WIPF2: variants seen among roughly 807,000 people sequenced by gnomAD.
WIPF2 encodes the protein WAS/WASL interacting protein family member 2.
Under a neutral mutation model 38.8 loss-of-function variants are expected in WIPF2, and 23 were observed. The ratio of observed to expected loss-of-function variants is 0.59; its 90% CI spans 0.43 to 0.84. The LOEUF is 0.84. WIPF2 is among the 40% of genes least tolerant of loss of function. The pLI, the probability that WIPF2 is intolerant of heterozygous loss-of-function variation, is 0.00. For missense variants in WIPF2, 574 were observed against 580.5 expected (o/e 0.99, Z 0.11); for synonymous variants, 210 against 223.2 (o/e 0.94, Z 0.53).
intron 6 of WIPF2, among the ~76,000 whole-genome samples, chr17:40,275,590 G>A (rs1325037951): frequency 2.0e-5 from 3 of 151,620 alleles, no homozygotes; most frequent in Non-Finnish European, 2.9e-5. Flanking sequence ...TTGAGATAGC[G>A]TCTTGCTTTG....
Position 40,260,526 on chromosome 17 carries a change from A to T in WIPF2, c.64-9A>T. On this transcript the variant is annotated splice_polypyrimidine_tract_variant and intron_variant, in intron 2 of 7. Transcript: ENST00000323571. The stretch of plus-strand genomic sequence containing the variant: ...TTTAGGGTGAACTTATATTTCTCTT[A>T]TCCTCCAGGCAAACACAGAGCAGCC... 1 of 1,613,516 alleles carries T rather than the reference A, an allele frequency of 6.2e-7. No homozygotes were observed. The highest frequency in any genetic ancestry group is 1.3e-5 in the African/African-American group (1 of 74,932).
chr17:40,224,542 G>A (rs927234754), intron 1 of WIPF2, among the ~76,000 whole-genome samples: 60 of 151,082 alleles, frequency 4.0e-4, no homozygotes, highest in African/African-American at 1.4e-3. Flanking sequence ...CACCGCGCCC[G>A]GCCCAGCCTG....
chr17:40,249,600 T>C (rs1188154426), intron 1 of WIPF2, among the ~76,000 whole-genome samples: 1 of 149,668 alleles, frequency 6.7e-6, no homozygotes, highest in Admixed American at 6.7e-5. Flanking sequence ...ATTACAGGCA[T>C]GCACCACCAT....
chr17:40,266,961 A>G (rs1441667249), intron 5 of WIPF2, among the ~76,000 whole-genome samples: 1 of 152,130 alleles, frequency 6.6e-6, no homozygotes, highest in Non-Finnish European at 1.5e-5. Flanking sequence ...AGTTTATTCT[A>G]ATTTGCTTCT....
rs1386717596 is a variant in WIPF2, at chr17:40,273,855, T to G, written c.1036T>G (p.Tyr346Asp). Residue 346 changes from tyrosine (Y) to aspartate (D), a missense_variant, in exon 6 of 8, where the codon TAC becomes GAC. Coordinates refer to ENST00000323571, the MANE Select transcript of WIPF2 (RefSeq NM_133264.5). ...GGATGCTCCCCCTCCCCCACCACCA[T>G]ACCGAATGCATGGGTCAGAACCCCC... Reference protein sequence around the residue: ...ARDAPPPPPPYRMHGSEPPSR... With the variant: ...ARDAPPPPPPDRMHGSEPPSR... The G allele has an allele frequency of 8.1e-6, 8 of 986,548 alleles. No homozygotes were observed. Among genetic ancestry groups the G allele is most frequent in the African/African-American group, 2.3e-5 (1 of 43,798 alleles). The allele number at this position is 986,548 out of a possible 1,614,324, so 61.1% of individuals were successfully genotyped here.
chr17:40,243,903 A>C (rs1160149102), intron 1 of WIPF2, among the ~76,000 whole-genome samples: 1 of 152,052 alleles, frequency 6.6e-6, no homozygotes, highest in African/African-American at 2.4e-5. Flanking sequence ...TGCATAGTTG[A>C]ATTTCTGTGA....
intron 5 of WIPF2, among the ~76,000 whole-genome samples, chr17:40,269,391 G>T (rs1239290882): frequency 1.3e-5 from 2 of 150,838 alleles, no homozygotes; most frequent in Non-Finnish European, 3.0e-5. Flanking sequence ...TGTGCCTGTG[G>T]TCCCAGCTAC....
At chr17:40,237,091 C>T (rs1380570382) in intron 1 of WIPF2, among the ~76,000 whole-genome samples, 2 of 151,984 alleles carry the variant, frequency 1.3e-5, no homozygotes, top group Admixed American at 1.3e-4. Context: ...TCAATCTATC[C>T]TGGGAAATTT....
At position 40,219,397 on chromosome 17, in the gene WIPF2, GCGA is replaced by G. The variant is rs760099763; in HGVS notation, c.-162_-160del. ...GGCGGCGGCGGCGGCGGCGGCGGCG[GCGA>G]CGGCGAGAAAGAGCTTGCCGGGGGG... On this transcript the variant is annotated 5_prime_UTR_variant, in exon 1 of 8. Coordinates refer to ENST00000323571, the MANE Select transcript of WIPF2 (RefSeq NM_133264.5). The G allele has an allele frequency of 2.4e-5, 10 of 415,366 alleles. No homozygotes were observed. Among genetic ancestry groups the G allele is most frequent in the African/African-American group, 1.6e-4 (7 of 44,542 alleles). The allele number at this position is 415,366 out of a possible 1,614,324, so 25.7% of individuals were successfully genotyped here.
At chr17:40,267,689 G>A (rs2032133073) in intron 5 of WIPF2, among the ~76,000 whole-genome samples, 1 of 152,164 alleles carries the variant, frequency 6.6e-6, no homozygotes, top group Non-Finnish European at 1.5e-5. Flanking sequence ...ACAGGCATGT[G>A]CCACCATATC....
At chr17:40,273,603 C>T (rs775958734) in intron 5 of WIPF2, 187 bp from the exon 6 acceptor site, 3 of 561,538 alleles carry the variant, frequency 5.3e-6, no homozygotes, top group Non-Finnish European at 9.6e-6. Flanking sequence ...TGTAAAAAGG[C>T]CATACATTTA....
chr17:40,260,804 A>T (rs1158463741), intron 3 of WIPF2, 137 bp downstream of exon 3: 4 of 1,171,554 alleles, frequency 3.4e-6, no homozygotes, highest in Non-Finnish European at 5.0e-6. Flanking sequence ...CTTCTTATTC[A>T]TTCTTCTGAA....
intron 4 of WIPF2, 65 bp downstream of exon 4, chr17:40,262,706 C>A: frequency 3.0e-6 from 4 of 1,353,004 alleles, no homozygotes; most frequent in South Asian, 1.2e-5. Context: ...CCCAAGTGGG[C>A]CATCTCAGGT....
intron 1 of WIPF2, among the ~76,000 whole-genome samples, chr17:40,220,216 A>G (rs189784411): frequency 0.015 from 2,293 of 151,626 alleles, 30 homozygotes; most frequent in Non-Finnish European, 0.023. Context: ...GGCTCAAGCG[A>G]TCTTCCCACC....
intron 1 of WIPF2, 56 bp from the exon 2 acceptor site, chr17:40,256,335 G>A: frequency 7.0e-7 from 1 of 1,428,792 alleles, no homozygotes; most frequent in Non-Finnish European, 9.4e-7. Flanking sequence ...TCATTCTCCT[G>A]GGCACTTGTA....
intron 5 of WIPF2, among the ~76,000 whole-genome samples, chr17:40,266,828 G>A (rs1044914620): frequency 1.3e-4 from 20 of 152,230 alleles, no homozygotes; most frequent in Admixed American, 2.6e-4. Context: ...GAATGTGATC[G>A]ATAGATAAAA....
intron 1 of WIPF2, among the ~76,000 whole-genome samples, chr17:40,251,367 T>C (rs1161563068): frequency 3.3e-5 from 5 of 152,016 alleles, no homozygotes; most frequent in African/African-American, 1.2e-4. Context: ...TCAAAGTAGT[T>C]CTCAAAGCAG....
intron 1 of WIPF2, among the ~76,000 whole-genome samples, chr17:40,226,595 C>T (rs1482620795): frequency 6.6e-6 from 1 of 152,102 alleles, no homozygotes; most frequent in East Asian, 1.9e-4. Flanking sequence ...TTTCCTTCTT[C>T]CATTCCTGCC....
At chr17:40,271,127 C>A (rs753043426) in intron 5 of WIPF2, among the ~76,000 whole-genome samples, 1 of 152,054 alleles carries the variant, frequency 6.6e-6, no homozygotes, top group Admixed American at 6.6e-5. Context: ...TGTGCCACCA[C>A]GCTTGGCTAA....
Sources: allele counts gnomAD v4.1 joint callset (sites outside exome capture counted in the v4.1 genomes callset), GRCh38; gene constraint gnomAD v4.1.1; transcripts MANE v1.5; gene names NCBI Gene and HGNC (gene_info 2026-07-23, HGNC 2026-07-21).